Variants in PPP1R13B observed in about 807,000 individuals in gnomAD.
PPP1R13B encodes apoptosis-stimulating of p53 protein 1.
PPP1R13B carries 44 observed loss-of-function variants against 119.8 expected under a neutral mutation model. The ratio of observed to expected loss-of-function variants is 0.37; its 90% confidence interval spans 0.29 to 0.47. PPP1R13B has a LOEUF of 0.47. PPP1R13B is among the 20% of genes least tolerant of loss of function. PPP1R13B has a pLI of 0.99. For synonymous variants in PPP1R13B, 542 were observed against 561.5 expected (o/e 0.97, Z 0.49); for missense variants, 1,227 against 1,413.5 (o/e 0.87, Z 2.12).
intron 5 of PPP1R13B, among the ~76,000 whole-genome samples, chr14:103,757,061 CT>C (rs772002409): frequency 5.6e-3 from 790 of 142,046 alleles, no homozygotes; most frequent in Admixed American, 5.9e-3. Flanking sequence ...TGCACCCAGC[CT>C]TTTTTTTTTT....
At chr14:103,785,134 G>A (rs752391425) in intron 2 of PPP1R13B, among the ~76,000 whole-genome samples, 49 of 152,150 alleles carry the variant, frequency 3.2e-4, no homozygotes, top group Non-Finnish European at 6.0e-4. Context: ...AAGTATCCAC[G>A]AAAGCAATTT....
chr14:103,832,108 TAAA>T (rs757832334), intron 1 of PPP1R13B, among the ~76,000 whole-genome samples: 1 of 139,558 alleles, frequency 7.2e-6, no homozygotes, highest in Non-Finnish European at 1.6e-5. Context: ...CCCTATCTCT[TAAA>T]AAAAAAAAAA....
intron 3 of PPP1R13B, among the ~76,000 whole-genome samples, chr14:103,784,503 AACTCCGGAGGTGGAGG>A (rs1044294586): frequency 2.8e-5 from 4 of 145,182 alleles, no homozygotes; most frequent in African/African-American, 7.7e-5. Context: ...GAATCCCTTG[AACTCCGGAGGTGGAGG>A]TTGCAGTGAG....
At chr14:103,824,101 A>G (rs940983216) in intron 1 of PPP1R13B, among the ~76,000 whole-genome samples, 6 of 126,200 alleles carry the variant, frequency 4.8e-5, no homozygotes, top group Non-Finnish European at 7.7e-5. Context: ...ACTGGAGTGC[A>G]GTGGCGCGAT....
chr14:103,800,514 C>A (rs913033466), intron 1 of PPP1R13B, among the ~76,000 whole-genome samples: 7 of 151,888 alleles, frequency 4.6e-5, no homozygotes, highest in African/African-American at 1.7e-4. Context: ...ATTAGCCAGG[C>A]GTGGTGGCCC....
chr14:103,738,749 C>T lies in PPP1R13B; in HGVS notation c.2794G>A (p.Gly932Ser), dbSNP rs1301716669. The T allele has an allele frequency of 6.8e-6, 11 of 1,614,064 alleles. No homozygotes were observed. The highest frequency in any genetic ancestry group is 4.5e-5 in the East Asian group (2 of 44,894). ...ITPLHNAVCA[G>S]HHHIVKFLLD... is the part of the protein sequence containing the mutation. ...AGGAACTTCACGATGTGATGGTGGC[C>T]GGCGCAGACGGCGTTGTGCAGTGGG... Residue 932 changes from glycine (G) to serine (S), a missense_variant, in exon 14 of 17, where the codon GGC (glycine) becomes AGC (serine). Gly to Ser is a moderately conservative substitution (Grantham distance 56). Transcript: ENST00000202556. This position sits in a 1 kb window ranked among gnomAD's most constrained non-coding sequence, Gnocchi z 5.6.
At chr14:103,806,912 C>T (rs968624539) in intron 1 of PPP1R13B, among the ~76,000 whole-genome samples, 1 of 152,194 alleles carries the variant, frequency 6.6e-6, no homozygotes, top group African/African-American at 2.4e-5. Context: ...TCTGCAAGAG[C>T]AAACTCATTC....
chr14:103,792,121 G>A lies in PPP1R13B; in HGVS notation c.157+5250C>T, dbSNP rs2152034858. 2.0e-5 allele frequency among the ~76,000 whole-genome samples: 3 copies of A among 151,474 alleles called. No individual in the cohort carries two copies. The Middle Eastern group carries it at 0.01, about 519-fold the overall frequency. On this transcript the variant is annotated intron_variant, in intron 2 of 16. Coordinates refer to ENST00000202556, the MANE Select transcript of PPP1R13B (RefSeq NM_015316.3). Reference sequence around the variant, plus strand: ...CCTAATAAAAATTAAAACCCATTTTGTCTTAAGCCAGTTATTTAACAGAAA... The same window carrying A: ...CCTAATAAAAATTAAAACCCATTTTATCTTAAGCCAGTTATTTAACAGAAA...
At chr14:103,824,509 T>G (rs1337714398) in intron 1 of PPP1R13B, among the ~76,000 whole-genome samples, 1 of 151,126 alleles carries the variant, frequency 6.6e-6, no homozygotes, top group South Asian at 2.1e-4. Flanking sequence ...GCCTGGCCAA[T>G]ATGGTGAAAT....
upstream of PPP1R13B, among the ~76,000 whole-genome samples, chr14:103,847,984 C>G (rs1036083578): frequency 4.6e-5 from 7 of 151,642 alleles, no homozygotes; most frequent in African/African-American, 1.7e-4. Flanking sequence ...ACGGCGCGCG[C>G]CCGCACTCTG....
Position 103,738,963 on chromosome 14 carries a change from G to A in PPP1R13B, c.2653C>T (p.Arg885Trp), listed in dbSNP as rs761642759. Residue 885 changes from arginine to tryptophan, a missense_variant, in exon 13 of 17, where the codon CGG becomes TGG. Physicochemically the swap from Arg to Trp is moderately radical, Grantham distance 101. Coordinates refer to ENST00000202556, the MANE Select transcript of PPP1R13B (RefSeq NM_015316.3). This position sits in a 1 kb window ranked among gnomAD's most constrained non-coding sequence, Gnocchi z 5.6. The stretch of plus-strand genomic sequence containing the variant: ...AGGAGCAGTGCCAGGGGGTTAAACC[G>A]GACTCTCAGCCCGTGCCCCGTCCGC... ...SERTGHGLRVRFNPLALLLDA... is the reference protein window; with the variant it reads ...SERTGHGLRVWFNPLALLLDA... The A allele has an allele frequency of 1.3e-5, 21 of 1,613,954 alleles. No homozygotes were observed. Among genetic ancestry groups the A allele is most frequent in the Admixed American group, 3.3e-5 (2 of 59,992 alleles).
At chr14:103,820,043 A>G (rs2223937) in intron 1 of PPP1R13B, among the ~76,000 whole-genome samples, 66,819 of 151,924 alleles carry the variant, frequency 0.44, 15,129 homozygotes, top group African/African-American at 0.54. Context: ...GGCCTTGAGT[A>G]GTCCTCTACC....
intron 2 of PPP1R13B, among the ~76,000 whole-genome samples, chr14:103,792,345 T>C (rs2085644061): frequency 6.6e-6 from 1 of 152,086 alleles, no homozygotes; most frequent in Admixed American, 6.6e-5. Context: ...GCCCAGCTAA[T>C]TTTTGTATTT....
At chr14:103,756,963 C>T (rs1361426244) in intron 5 of PPP1R13B, among the ~76,000 whole-genome samples, 4 of 151,894 alleles carry the variant, frequency 2.6e-5, no homozygotes, top group Admixed American at 6.6e-5. Flanking sequence ...GGAGTTTCAC[C>T]ATGTTAGCCA....
At chr14:103,755,437 A>T (rs2084653987) in intron 5 of PPP1R13B, among the ~76,000 whole-genome samples, 1 of 152,272 alleles carries the variant, frequency 6.6e-6, no homozygotes, top group African/African-American at 2.4e-5. Context: ...AACATTTTAG[A>T]GTCAAACAAT....
intron 4 of PPP1R13B, among the ~76,000 whole-genome samples, chr14:103,771,795 G>A (rs553421079): frequency 1.3e-5 from 2 of 152,208 alleles, no homozygotes; most frequent in Admixed American, 6.5e-5. Context: ...ACTTCTAGAA[G>A]TGAAAATTTT....
At chr14:103,785,040 A>C (rs759156428) in intron 2 of PPP1R13B, 126 bp from the exon 3 acceptor site, 5 of 794,580 alleles carry the variant, frequency 6.3e-6, no homozygotes, top group Non-Finnish European at 8.9e-6. Flanking sequence ...CAATTCAAAG[A>C]TATTACAAGC....
At chr14:103,767,228 C>A (rs1567107869) in intron 4 of PPP1R13B, among the ~76,000 whole-genome samples, 1 of 152,130 alleles carries the variant, frequency 6.6e-6, no homozygotes, top group Admixed American at 6.5e-5. Flanking sequence ...GGTGAGAGGA[C>A]TGCTTGAGCC....
Position 103,740,156 on chromosome 14 carries a change from T to C in PPP1R13B, c.2260A>G (p.Thr754Ala). The stretch of plus-strand genomic sequence containing the variant: ...TTTCCATTGTCCACATCGGCCAAGG[T>C]GCCCATGAAGTCCTGGGAGGGGCTG... ...QPSPSQDFMG[T>A]LADVDNGNTN... is the part of the protein sequence containing the mutation. Residue 754 changes from threonine to alanine, a missense_variant, in exon 12 of 17, where the codon ACC (threonine) becomes GCC (alanine). Physicochemically the swap from Thr to Ala is moderately conservative, Grantham distance 58. Transcript: ENST00000202556. The surrounding 1 kb of genome is among the most constrained non-coding windows in gnomAD (Gnocchi z 4.6). 1 of 1,613,628 alleles carries C rather than the reference T, an allele frequency of 6.2e-7. No homozygotes were observed. Among genetic ancestry groups the C allele is most frequent in the East Asian group, 2.2e-5 (1 of 44,872 alleles).
Sources: gnomAD v4.1 joint callset for allele counts (sites outside exome capture counted in the v4.1 genomes callset) on GRCh38, gnomAD v4.1.1 for gene constraint, Gnocchi (gnomAD v3.1) non-coding constraint, MANE v1.5 for transcripts, NCBI Gene and HGNC (gene_info 2026-07-23, HGNC 2026-07-21) for gene names.